ACAA2: variants seen among roughly 807,000 people sequenced by gnomAD.
The protein encoded by ACAA2 is acetyl-CoA acyltransferase 2.
A neutral mutation model predicts 44.8 loss-of-function variants in ACAA2; 35 were observed. The observed-to-expected ratio is 0.78, with a 90% CI of 0.60 to 1.04. ACAA2 has a LOEUF of 1.04. Among genes scored for constraint, ACAA2 ranks in the 50% least tolerant of loss-of-function variants. The pLI, the probability that ACAA2 is intolerant of heterozygous loss-of-function variation, is 0.00. For missense variants in ACAA2, 468 were observed against 482.6 expected (o/e 0.97, Z 0.28); for synonymous variants, 142 against 166.5 (o/e 0.85, Z 1.13).
rs2023478713 is a variant in ACAA2, at chr18:49,797,512, T to C, written c.266A>G (p.Asn89Ser). Residue 89 changes from asparagine to serine, a missense_variant, in exon 3 of 10, where the codon AAT (asparagine) becomes AGT (serine). Asn to Ser is a conservative substitution (Grantham distance 46, BLOSUM62 1). Coordinates refer to ENST00000285093, the MANE Select transcript of ACAA2 (RefSeq NM_006111.3). ...IPKETPALTI[N>S]RLCGSGFQSI... ...CTGAAAACCAGAACCACAGAGCCTA[T>C]TAATCGTGAGAGCTGGGGTCTCCTT... 1.2e-6 allele frequency: 2 copies of C among 1,611,990 alleles called. No individual in the cohort carries two copies. Among genetic ancestry groups the C allele is most frequent in the African/African-American group, 1.3e-5 (1 of 74,858 alleles).
At chr18:49,803,855 T>A (rs2023583946) in intron 1 of ACAA2, among the ~76,000 whole-genome samples, 1 of 151,484 alleles carries the variant, frequency 6.6e-6, no homozygotes, top group African/African-American at 2.4e-5. Context: ...GAGGGCATAC[T>A]CTACTGCATG....
chr18:49,787,268 A>AAAAAC, intron 8 of ACAA2, 23 bp downstream of exon 8: 3 of 1,429,184 alleles, frequency 2.1e-6, no homozygotes, highest in South Asian at 1.5e-5. Flanking sequence ...GTTAAAAAAA[A>AAAAAC]AAAAAAAAAA....
chr18:49,790,201 G>C (rs976326574), intron 7 of ACAA2, among the ~76,000 whole-genome samples: 3 of 152,186 alleles, frequency 2.0e-5, no homozygotes, highest in Non-Finnish European at 4.4e-5. Context: ...GCTTAAGATT[G>C]ACTTTTCATA....
intron 9 of ACAA2, among the ~76,000 whole-genome samples, chr18:49,784,973 C>G (rs758200477): frequency 3.9e-5 from 6 of 152,130 alleles, no homozygotes; most frequent in Non-Finnish European, 8.8e-5. Flanking sequence ...AGACTGGACA[C>G]ACAGAGGAAG....
intron 8 of ACAA2, chr18:49,785,653 A>T: frequency 2.9e-6 from 1 of 344,024 alleles, no homozygotes; most frequent in African/African-American, 2.2e-5. Context: ...AACTGGATGG[A>T]TGGTTCAAAT....
At position 49,787,345 on chromosome 18, in the gene ACAA2, G is replaced by GATAGCAGGGACAGGACCTATATA; in HGVS notation, c.884-7_899dup (p.Ser301IlefsTer2). 6.8e-7 allele frequency: 1 copy of GATAGCAGGGACAGGACCTATATA among 1,464,234 alleles called. No individual in the cohort carries two copies. The highest frequency in any genetic ancestry group is 9.0e-7 in the Non-Finnish European group (1 of 1,109,090). The allele number at this position is 1,464,234 out of a possible 1,614,324, so 90.7% of individuals were successfully genotyped here. A position where few individuals can be genotyped will look rare whatever the true frequency, so the allele number is the denominator to read the frequency against. On this transcript the variant is annotated stop_gained and frameshift_variant, in exon 8 of 10. Transcript: ENST00000285093. LOFTEE classifies it high-confidence loss of function. Reference sequence around the variant, plus strand: ...GTCCTGCTTTCTTCAGTGCCCCACTGATAGCAGGGACAGGACCTATATAAT... The same window carrying GATAGCAGGGACAGGACCTATATA: ...GTCCTGCTTTCTTCAGTGCCCCACTGATAGCAGGGACAGGACCTATATAATAGCAGGGACAGGACCTATATAAT...
At chr18:49,791,399 G>A in intron 7 of ACAA2, 71 bp downstream of exon 7, 1 of 1,510,924 alleles carries the variant, frequency 6.6e-7, no homozygotes, top group Non-Finnish European at 9.0e-7. Flanking sequence ...CACTTTTTCA[G>A]GACTCTGAAT....
chr18:49,803,087 T>A, intron 1 of ACAA2: 2 of 541,496 alleles, frequency 3.7e-6, no homozygotes, highest in East Asian at 3.4e-5. Context: ...TGCATGCTGT[T>A]AAGGAAGAAG....
intron 1 of ACAA2, among the ~76,000 whole-genome samples, chr18:49,803,711 T>C (rs74481622): frequency 0.084 from 12,768 of 152,138 alleles, 663 homozygotes; most frequent in African/African-American, 0.15. Context: ...TTGCCTAGTA[T>C]TAGAATAAAA....
intron 2 of ACAA2, among the ~76,000 whole-genome samples, chr18:49,800,534 T>C (rs2023534691): frequency 6.6e-6 from 1 of 152,178 alleles, no homozygotes; most frequent in African/African-American, 2.4e-5. Context: ...GGGAGACTTT[T>C]CATTTTGTTT....
rs1405834908 is a variant in ACAA2, at chr18:49,782,311, C to G, written c.*1536G>C. The G allele has an allele frequency of 6.6e-6, 1 of 152,148 alleles. No individual in the cohort carries two copies. The highest frequency in any genetic ancestry group is 1.5e-5 in the Non-Finnish European group (1 of 68,042). The allele number at this position is 152,148 out of a possible 1,614,324, so 9.4% of individuals were successfully genotyped here. On this transcript the variant is annotated 3_prime_UTR_variant, in exon 10 of 10. Transcript: ENST00000285093. Reference sequence around the variant, plus strand: ...TTGCCTGTTGCCACTAGTCCATTATCCCAAACCGTGGGTAGGCCGCTTGTC... The same window carrying G: ...TTGCCTGTTGCCACTAGTCCATTATGCCAAACCGTGGGTAGGCCGCTTGTC...
At chr18:49,809,944 T>C (rs892465444) in intron 1 of ACAA2, among the ~76,000 whole-genome samples, 1 of 152,190 alleles carries the variant, frequency 6.6e-6, no homozygotes, top group Admixed American at 6.5e-5. Context: ...AAAATGTTAA[T>C]AATAGGGGAA....
rs773190370 is a variant in ACAA2, at chr18:49,792,181, C to T, written c.724G>A (p.Asp242Asn). Residue 242 changes from aspartate (D) to asparagine (N), a missense_variant, in exon 6 of 10, where the codon GAT (aspartate) becomes AAT (asparagine). Physicochemically the swap from Asp to Asn is conservative, Grantham distance 23 (BLOSUM62 1). Transcript: ENST00000285093. Reference protein sequence around the residue: ...LQKLPPVFKKDGTVTAGNASG... With the variant: ...LQKLPPVFKKNGTVTAGNASG... ...GCATTCCCTGCAGTAACAGTTCCAT[C>T]TTTCTTGAATACTGGAGGAAGTTTC... 6.2e-7 allele frequency: 1 copy of T among 1,613,934 alleles called. No homozygotes were observed.
At chr18:49,784,301 G>T (rs1481065393) in intron 9 of ACAA2, among the ~76,000 whole-genome samples, 1 of 152,126 alleles carries the variant, frequency 6.6e-6, no homozygotes, top group Non-Finnish European at 1.5e-5. Context: ...GCTGGGGAAG[G>T]GGATGAACAT....
intron 7 of ACAA2, among the ~76,000 whole-genome samples, chr18:49,787,589 C>T (rs1457267874): frequency 2.6e-5 from 4 of 151,866 alleles, no homozygotes; most frequent in Admixed American, 2.0e-4. Flanking sequence ...CTTTGGGAGG[C>T]TGAAGTGGGA....
rs948867418 is a variant in ACAA2 at position 49,792,458 on chromosome 18, T to C, written c.578-131A>G. 3.4e-6 allele frequency: 3 copies of C among 873,840 alleles called. No homozygotes were observed. The African/African-American group carries it at 5.1e-5, about 15-fold the overall frequency. The allele number at this position is 873,840 out of a possible 1,614,324, so 54.1% of individuals were successfully genotyped here. On this transcript the variant is annotated intron_variant, in intron 5 of 9. Transcript: ENST00000285093. Reference sequence around the variant, plus strand: ...TACTTTAATATTGAGTCTTTATTAATTTTTGAGATGGAGTCTCACATTGTC... The same window carrying C: ...TACTTTAATATTGAGTCTTTATTAACTTTTGAGATGGAGTCTCACATTGTC...
chr18:49,809,554 G>T (rs1031004497), intron 1 of ACAA2, among the ~76,000 whole-genome samples: 1 of 152,176 alleles, frequency 6.6e-6, no homozygotes, highest in Non-Finnish European at 1.5e-5. Context: ...GCAATAAAAA[G>T]AAGTGAGCTA....
Position 49,813,397 on chromosome 18 carries a change from C to T in ACAA2, c.16+72G>A, listed in dbSNP as rs901972398. The T allele has an allele frequency of 5.1e-6, 6 of 1,165,748 alleles. No individual in the cohort carries two copies. In the South Asian group the frequency reaches 1.7e-4, roughly 34 times the overall value. The allele number at this position is 1,165,748 out of a possible 1,614,324, so 72.2% of individuals were successfully genotyped here. Reference sequence around the variant, plus strand: ...CACGACCCCGACTCTCCGCGGCGGCCGGAAGCGGAGGCCTGGCCTGGGGAG... The same window carrying T: ...CACGACCCCGACTCTCCGCGGCGGCTGGAAGCGGAGGCCTGGCCTGGGGAG... On this transcript the variant is annotated intron_variant, in intron 1 of 9. Transcript: ENST00000285093.
chr18:49,796,516 T>G lies in ACAA2; in HGVS notation c.313-635A>C, dbSNP rs556994828. ...TATTAAAATACGCCTCTGGCTCTTATTTTGTTTGTAATAAAATGAAGACTT... is the reference window on the plus strand; with the variant it reads ...TATTAAAATACGCCTCTGGCTCTTAGTTTGTTTGTAATAAAATGAAGACTT... On this transcript the variant is annotated intron_variant, in intron 3 of 9. Coordinates refer to ENST00000285093, the MANE Select transcript of ACAA2 (RefSeq NM_006111.3). Among the ~76,000 whole-genome samples the G allele has an allele frequency of 9.0e-3, 1,375 of 152,324 alleles. 37 individuals carry two copies. In the South Asian group the frequency reaches 0.12, roughly 13 times the overall value.
Sources: gnomAD v4.1 joint callset for allele counts (sites outside exome capture counted in the v4.1 genomes callset) on GRCh38, gnomAD v4.1.1 for gene constraint, MANE v1.5 for transcripts, NCBI Gene and HGNC (gene_info 2026-07-23, HGNC 2026-07-21) for gene names.